Variants in WWOX observed in about 807,000 individuals in gnomAD.
WWOX encodes WW domain containing oxidoreductase, also known as WW domain-containing oxidoreductase.
In WWOX, 69 loss-of-function variants were observed where a neutral mutation model predicts 46.2. That is an observed-to-expected ratio of 1.49 (90% confidence interval 1.23 to 1.82). The LOEUF (loss-of-function observed/expected upper bound fraction) is 1.82, where lower values mean the gene tolerates loss of function less well. Among genes scored for constraint, WWOX ranks in the 40% most tolerant of loss-of-function variants. The pLI is 0.00. For synonymous variants in WWOX, 359 were observed against 202.6 expected (o/e 1.77, Z -6.56); for missense variants, 919 against 542.6 (o/e 1.69, Z -6.89).
At chr16:78,115,347 C>T (rs371373297) in intron 4 of WWOX, among the ~76,000 whole-genome samples, 193 bp downstream of exon 4, 216 of 152,206 alleles carry the variant, frequency 1.4e-3, no homozygotes, top group Middle Eastern at 3.4e-3. Context: ...TAGGGGCTGA[C>T]CTTGAAGTCT....
At chr16:78,842,518 A>C (rs1164608968) in intron 8 of WWOX, among the ~76,000 whole-genome samples, 1 of 152,042 alleles carries the variant, frequency 6.6e-6, no homozygotes, top group Non-Finnish European at 1.5e-5. Flanking sequence ...AGAAAACAAA[A>C]AGTTGGAAAT....
At chr16:78,914,683 T>C (rs1451021922) in intron 8 of WWOX, among the ~76,000 whole-genome samples, 1 of 151,418 alleles carries the variant, frequency 6.6e-6, no homozygotes, top group Non-Finnish European at 1.5e-5. Flanking sequence ...ATCCAGACTA[T>C]CCTGGCTAAC....
In WWOX at chr16:79,027,447, A is replaced by G. The variant is rs947755235; in HGVS notation, c.1057-184161A>G. The stretch of plus-strand genomic sequence containing the variant: ...CCTGGGCCTCCCTGCCTCCCATTTT[A>G]CACCCTGTTTATTGATACTAAGAAG... On this transcript the variant is annotated intron_variant, in intron 8 of 8. Coordinates refer to ENST00000566780, the MANE Select transcript of WWOX (RefSeq NM_016373.4). Among the ~76,000 whole-genome samples the G allele has an allele frequency of 2.2e-4, 33 of 151,610 alleles. 3 individuals carry two copies. Among genetic ancestry groups the G allele is most frequent in the African/African-American group, 7.8e-4 (32 of 40,978 alleles).
intron 8 of WWOX, among the ~76,000 whole-genome samples, chr16:78,453,882 G>A (rs2151415757): frequency 6.6e-6 from 1 of 151,956 alleles, no homozygotes; most frequent in East Asian, 1.9e-4. Context: ...TTCTGTACAT[G>A]CCAAGTTTTA....
chr16:78,430,771 G>A (rs933236627), intron 7 of WWOX, among the ~76,000 whole-genome samples: 6 of 152,106 alleles, frequency 3.9e-5, no homozygotes, highest in African/African-American at 1.4e-4. Flanking sequence ...TGACTTTAGA[G>A]CAGCTATGTC....
intron 8 of WWOX, among the ~76,000 whole-genome samples, chr16:78,460,956 T>C (rs2083933455): frequency 6.6e-6 from 1 of 151,218 alleles, no homozygotes; most frequent in Non-Finnish European, 1.5e-5. Flanking sequence ...GTATCAGTAA[T>C]GTTGATTACT....
At chr16:78,571,128 G>A (rs554939238) in intron 8 of WWOX, among the ~76,000 whole-genome samples, 1 of 152,326 alleles carries the variant, frequency 6.6e-6, no homozygotes, top group East Asian at 1.9e-4. Flanking sequence ...TACAGTAGAA[G>A]AGAAATGTAC....
chr16:78,474,602 C>G (rs1415163022), intron 8 of WWOX, among the ~76,000 whole-genome samples: 1 of 152,154 alleles, frequency 6.6e-6, no homozygotes, highest in Non-Finnish European at 1.5e-5. Flanking sequence ...AATTTACATG[C>G]TATACAATTC....
intron 8 of WWOX, among the ~76,000 whole-genome samples, chr16:78,456,631 C>G (rs199679842): frequency 2.6e-5 from 4 of 152,058 alleles, no homozygotes; most frequent in African/African-American, 9.7e-5. Context: ...TTTAAAAATT[C>G]TGAATCTGTG....
At chr16:78,989,759 G>C (rs1355121042) in intron 8 of WWOX, among the ~76,000 whole-genome samples, 1 of 151,802 alleles carries the variant, frequency 6.6e-6, no homozygotes, top group African/African-American at 2.4e-5. Context: ...GATGCTGAGA[G>C]TAATGGGGCT....
At chr16:78,136,905 C>G (rs1179404167) in intron 4 of WWOX, among the ~76,000 whole-genome samples, 1 of 152,146 alleles carries the variant, frequency 6.6e-6, no homozygotes, top group Non-Finnish European at 1.5e-5. Flanking sequence ...CAGGCCAGAC[C>G]TTCGCAGAGG....
chr16:78,100,257 T>G lies in WWOX; in HGVS notation c.107+372T>G, dbSNP rs937006862. The stretch of plus-strand genomic sequence containing the variant: ...GCAGGGATAGGAGTTTTGTTGTGTT[T>G]TGTTTTGTTTTGTCCAGACCGGTAT... On this transcript the variant is annotated intron_variant, in intron 1 of 8. Coordinates refer to ENST00000566780, the MANE Select transcript of WWOX (RefSeq NM_016373.4). The G allele has an allele frequency of 1.6e-5, 18 of 1,103,610 alleles. No homozygotes were observed. The South Asian group carries it at 2.2e-4, about 13-fold the overall frequency. 68.4% of individuals were successfully genotyped at this position (1,103,610 alleles called of 1,614,324 possible). A position where few individuals can be genotyped will look rare whatever the true frequency, so the allele number is the denominator to read the frequency against.
intron 8 of WWOX, among the ~76,000 whole-genome samples, chr16:78,665,144 C>A (rs1567474477): frequency 6.6e-6 from 1 of 152,110 alleles, no homozygotes; most frequent in African/African-American, 2.4e-5. Context: ...GTGGAATTTT[C>A]TGTGGTGGTC....
intron 4 of WWOX, among the ~76,000 whole-genome samples, chr16:78,158,352 T>C (rs543660736): frequency 6.6e-6 from 1 of 152,332 alleles, no homozygotes; most frequent in South Asian, 2.1e-4. Flanking sequence ...ACTTTGTTAT[T>C]GTACTGTACT....
chr16:79,061,461 G>A (rs1487879469), intron 8 of WWOX, among the ~76,000 whole-genome samples: 3 of 152,208 alleles, frequency 2.0e-5, no homozygotes, highest in Non-Finnish European at 4.4e-5. Flanking sequence ...CACTCTGGGT[G>A]TAAAGCATTC....
intron 8 of WWOX, among the ~76,000 whole-genome samples, chr16:79,044,905 T>C (rs1162168633): frequency 1.3e-5 from 2 of 152,022 alleles, no homozygotes; most frequent in Non-Finnish European, 2.9e-5. Context: ...AGAATGAGGC[T>C]AATGCTAGTG....
At chr16:78,899,175 A>C (rs973593288) in intron 8 of WWOX, 3 of 152,130 alleles carry the variant, frequency 2.0e-5, no homozygotes, top group Non-Finnish European at 2.9e-5. Context: ...GGACTTCTCT[A>C]TTATATGTGA....
Position 78,317,571 on chromosome 16 carries a change from G to A in WWOX, c.517-69289G>A, listed in dbSNP as rs183380112. On this transcript the variant is annotated intron_variant, in intron 5 of 8. Transcript: ENST00000566780. ...AGTACCTTACCTCCTTCCAGAACCTGAGAGTGTGTGACTGTGAGTGTGTGT... is the reference window on the plus strand; with the variant it reads ...AGTACCTTACCTCCTTCCAGAACCTAAGAGTGTGTGACTGTGAGTGTGTGT... 3.7e-3 allele frequency among the ~76,000 whole-genome samples: 569 copies of A among 152,304 alleles called. 6 individuals are homozygous for A. Among genetic ancestry groups the A allele is most frequent in the Middle Eastern group, 0.01 (3 of 294 alleles).
chr16:78,301,084 C>G (rs1391081331), intron 5 of WWOX, among the ~76,000 whole-genome samples: 2 of 152,166 alleles, frequency 1.3e-5, no homozygotes, highest in Non-Finnish European at 2.9e-5. Context: ...AAACTTTACC[C>G]TTAAGGACTT....
Sources: allele counts gnomAD v4.1 joint callset (sites outside exome capture counted in the v4.1 genomes callset), GRCh38; gene constraint gnomAD v4.1.1; transcripts MANE v1.5; gene names NCBI Gene and HGNC (gene_info 2026-07-23, HGNC 2026-07-21).